The following NSDHL variants were observed in gnomAD, a reference collection of about 807,000 sequenced individuals.
NSDHL encodes the protein sterol-4-alpha-carboxylate 3-dehydrogenase, decarboxylating.
NSDHL carries 1 observed loss-of-function variant against 23.0 expected under a neutral mutation model. The observed-to-expected ratio is 0.04, with a 90% CI of 0.02 to 0.21. The LOEUF is 0.21. Among genes scored for constraint, NSDHL ranks in the 10% least tolerant of loss-of-function variants. The pLI is 1.00. For missense variants in NSDHL, 237 were observed against 300.9 expected (o/e 0.79, Z 1.57); for synonymous variants, 128 against 121.1 (o/e 1.06, Z -0.37).
intron 1 of NSDHL, among the ~76,000 whole-genome samples, chrX:152,835,909 C>T (rs1459583654): frequency 8.0e-5 from 9 of 112,352 alleles, no homozygotes; most frequent in Non-Finnish European, 1.7e-4. Context: ...CTAATTTACA[C>T]TCCCACCAAC....
intron 4 of NSDHL, among the ~76,000 whole-genome samples, chrX:152,861,834 T>C (rs1176632572): frequency 8.9e-6 from 1 of 112,882 alleles, no homozygotes; most frequent in Non-Finnish European, 1.9e-5. Context: ...TGATTTTTAA[T>C]TCAGCAACTT....
At chrX:152,842,967 G>A (rs1933217366) in intron 1 of NSDHL, among the ~76,000 whole-genome samples, 1 of 111,871 alleles carries the variant, frequency 8.9e-6, no homozygotes, top group African/African-American at 3.3e-5. Flanking sequence ...TATGGGATCT[G>A]ACTCATTTGC....
chrX:152,838,139 G>A (rs1374823977), intron 1 of NSDHL, among the ~76,000 whole-genome samples: 2 of 111,825 alleles, frequency 1.8e-5, no homozygotes, highest in Non-Finnish European at 3.8e-5. Flanking sequence ...GATCGGTGGT[G>A]ATATCTCCTA....
At chrX:152,834,098 C>T (rs1733355594) in intron 1 of NSDHL, among the ~76,000 whole-genome samples, 1 of 112,146 alleles carries the variant, frequency 8.9e-6, no homozygotes, top group Non-Finnish European at 1.9e-5. Context: ...GTCTGCTGGG[C>T]CTCCAGGGGC....
Position 152,869,549 on chromosome X carries a change from C to G in NSDHL, c.*433C>G, listed in dbSNP as rs1602946054. On this transcript the variant is annotated 3_prime_UTR_variant, in exon 8 of 8. Transcript: ENST00000370274. ...GCCTCTAGACTTTGTTCAAGATACT[C>G]TATCTTCAAAATATCCCAGAAGAAA... 5.6e-6 allele frequency: 1 copy of G among 177,141 alleles called. No individual in the cohort carries two copies. Among genetic ancestry groups the G allele is most frequent in the East Asian group, 1.3e-4 (1 of 7,702 alleles). 14.6% of individuals were successfully genotyped at this position (177,141 alleles called of 1,213,427 possible). A position where few individuals can be genotyped will look rare whatever the true frequency, so the allele number is the denominator to read the frequency against.
intron 7 of NSDHL, 118 bp from the exon 8 acceptor site, chrX:152,868,666 C>T (rs782073132): frequency 4.6e-5 from 29 of 628,851 alleles, no homozygotes; most frequent in Middle Eastern, 3.2e-4. Context: ...GGGCAGGCCA[C>T]GTGGAAAGCT....
intron 3 of NSDHL, among the ~76,000 whole-genome samples, chrX:152,850,953 C>A (rs112142044): frequency 0.027 from 3,029 of 111,894 alleles, 94 homozygotes; most frequent in African/African-American, 0.093. Context: ...AGCCCCTGGC[C>A]GCCACTCATC....
At chrX:152,866,321 C>G (rs891453301) in intron 6 of NSDHL, among the ~76,000 whole-genome samples, 2 of 112,438 alleles carry the variant, frequency 1.8e-5, no homozygotes, top group Admixed American at 9.3e-5. Flanking sequence ...TAATCACCCC[C>G]TAAAGGTCCC....
intron 1 of NSDHL, among the ~76,000 whole-genome samples, chrX:152,837,223 T>C (rs1438309584): frequency 8.9e-6 from 1 of 111,977 alleles, no homozygotes; most frequent in Non-Finnish European, 1.9e-5. Flanking sequence ...TCTAAATATA[T>C]AATCATGTCA....
rs781948041 is a variant in NSDHL at position 152,868,908 on chromosome X, T to G, written c.914T>G (p.Leu305Arg). 9.9e-6 allele frequency: 12 copies of G among 1,210,471 alleles called. No individual in the cohort carries two copies. The highest frequency in any genetic ancestry group is 7.8e-6 in the Non-Finnish European group (7 of 895,285). ...TACTGGGTGGCCTACTACCTGGCCC[T>G]CCTGCTATCCCTGCTGGTGATGGTG... ...IPYWVAYYLA[L>R]LLSLLVMVIS... The change falls in exon 8 of 8, where the codon CTC becomes CGC. Residue 305 changes from leucine (L) to arginine (R), a missense_variant. Physicochemically the swap from Leu to Arg is moderately radical, Grantham distance 102. This residue lies in a region of NSDHL where 117 missense variants were observed against 99.5 expected (regional missense o/e 1.18). Coordinates refer to ENST00000370274, the MANE Select transcript of NSDHL (RefSeq NM_015922.3).
intron 3 of NSDHL, among the ~76,000 whole-genome samples, chrX:152,857,467 A>G (rs782062809): frequency 8.9e-6 from 1 of 112,085 alleles, no homozygotes; most frequent in Non-Finnish European, 1.9e-5. Flanking sequence ...GCCTGAATCT[A>G]ATCTTGAGGA....
At chrX:152,867,929 C>G (rs1933634639) in intron 7 of NSDHL, among the ~76,000 whole-genome samples, 1 of 110,878 alleles carries the variant, frequency 9.0e-6, no homozygotes, top group African/African-American at 3.3e-5. Context: ...CTATGGTCCC[C>G]TGACCTGGCT....
Position 152,869,134 on chromosome X carries a change from GCT to G in NSDHL, c.*24_*25del, listed in dbSNP as rs782097870. The G allele has an allele frequency of 6.9e-6, 8 of 1,161,077 alleles. No homozygotes were observed. Among genetic ancestry groups the G allele is most frequent in the Non-Finnish European group, 9.4e-6 (8 of 850,179 alleles). ...TCAAGTGAGGGACACTGGAGGCTGG[GCT>G]CTCTCGACACGTTGCTCAGCCAGTC... On this transcript the variant is annotated 3_prime_UTR_variant, in exon 8 of 8. Transcript: ENST00000370274.
intron 3 of NSDHL, among the ~76,000 whole-genome samples, chrX:152,858,435 C>T (rs782616687): frequency 8.9e-6 from 1 of 111,985 alleles, no homozygotes; most frequent in African/African-American, 3.2e-5. Context: ...TAATTTCTAT[C>T]TGAGTTCACC....
chrX:152,851,941 C>A (rs1933364641), intron 3 of NSDHL, among the ~76,000 whole-genome samples: 1 of 111,133 alleles, frequency 9.0e-6, no homozygotes, highest in African/African-American at 3.3e-5. Flanking sequence ...TAAGCACGTC[C>A]TCTCCTTCTT....
intron 3 of NSDHL, among the ~76,000 whole-genome samples, chrX:152,856,969 C>T (rs1000011785): frequency 2.7e-5 from 3 of 112,387 alleles, no homozygotes; most frequent in East Asian, 2.8e-4. Flanking sequence ...CGCTTGAGCC[C>T]GGGAGGCAGA....
chrX:152,852,710 G>A (rs987915471), intron 3 of NSDHL, among the ~76,000 whole-genome samples: 1 of 110,768 alleles, frequency 9.0e-6, no homozygotes, highest in African/African-American at 3.3e-5. Flanking sequence ...CCACATCCAC[G>A]TCTCTACTCA....
intron 7 of NSDHL, 55 bp from the exon 8 acceptor site, chrX:152,868,729 A>G (rs1451725375): frequency 9.6e-7 from 1 of 1,042,159 alleles, no homozygotes; most frequent in Admixed American, 2.2e-5. Flanking sequence ...AGATGCTTCA[A>G]CTTTGGGCAG....
chrX:152,850,465 G>A lies in NSDHL; in HGVS notation c.267+42G>A, dbSNP rs191689823. ...CCTTGCTGATTTCCCACGAGCCCACGAAGGGAAACCACGATACTTCCCTTG... is the reference window on the plus strand; with the variant it reads ...CCTTGCTGATTTCCCACGAGCCCACAAAGGGAAACCACGATACTTCCCTTG... On this transcript the variant is annotated intron_variant, in intron 3 of 7. Transcript: ENST00000370274. The A allele has an allele frequency of 2.6e-4, 305 of 1,155,110 alleles. 1 individual carries two copies. Among genetic ancestry groups the A allele is most frequent in the South Asian group, 3.6e-5 (2 of 55,535 alleles).
Sources: gnomAD v4.1 joint callset for allele counts (sites outside exome capture counted in the v4.1 genomes callset) on GRCh38, gnomAD v4.1.1 for gene constraint, gnomAD v4.1.1 regional missense constraint, MANE v1.5 for transcripts, NCBI Gene and HGNC (gene_info 2026-07-23, HGNC 2026-07-21) for gene names.